The following CHLSN variants were observed in gnomAD, a reference collection of about 807,000 sequenced individuals.
CHLSN encodes cholesin.
At chr7:1,102,818 C>T in the CHLSN span, among the ~76,000 whole-genome samples, 3 of 152,304 alleles carry the variant, frequency 2.0e-5, no homozygotes, top group East Asian at 1.9e-4. Flanking sequence ...GCAAGCACGG[C>T]GTCAGCAACA....
chr7:1,047,242 C>G, the CHLSN span, among the ~76,000 whole-genome samples: 1 of 152,204 alleles, frequency 6.6e-6, no homozygotes, highest in East Asian at 1.9e-4. Context: ...TGCTTGGTCT[C>G]AGGCCCCCAG....
At chr7:988,512 C>T in the CHLSN span, 1 of 1,599,346 alleles carries the variant, frequency 6.3e-7, no homozygotes, top group Non-Finnish European at 8.5e-7. Flanking sequence ...CACCCACCTC[C>T]TGATCTCAGG....
chr7:1,057,806 G>A, the CHLSN span: 2 of 776,034 alleles, frequency 2.6e-6, no homozygotes, highest in South Asian at 2.7e-5. Flanking sequence ...TGTGGAGTGT[G>A]GGCGGCGAAG....
the CHLSN span, chr7:984,630 A>G: frequency 6.6e-7 from 1 of 1,515,776 alleles, no homozygotes; most frequent in Non-Finnish European, 8.8e-7. Flanking sequence ...CCTGGACCCC[A>G]GGAGGGGTGG....
chr7:1,112,313 A>ACCATCATCT, the CHLSN span, among the ~76,000 whole-genome samples: 1 of 152,228 alleles, frequency 6.6e-6, no homozygotes, highest in South Asian at 2.1e-4. Flanking sequence ...GCAGGCTGAG[A>ACCATCATCT]AAGCCCAGCT....
the CHLSN span, among the ~76,000 whole-genome samples, chr7:1,050,053 GC>G: frequency 6.6e-6 from 1 of 152,308 alleles, no homozygotes; most frequent in African/African-American, 2.4e-5. Context: ...CCTTGGCAGG[GC>G]CCCCTCAGCG....
chr7:1,055,102 G>A, the CHLSN span, among the ~76,000 whole-genome samples: 3 of 152,202 alleles, frequency 2.0e-5, no homozygotes, highest in African/African-American at 4.8e-5. Context: ...CAGAGGCCAC[G>A]GCCTCCATGA....
At chr7:986,075 A>G in the CHLSN span, among the ~76,000 whole-genome samples, 1 of 152,214 alleles carries the variant, frequency 6.6e-6, no homozygotes. Context: ...CCAGGGCAGC[A>G]GAGCATTCCC....
At chr7:1,002,930 GGGAGTCCTGTGGGTGAGT>G in the CHLSN span, among the ~76,000 whole-genome samples, 3 of 102,706 alleles carry the variant, frequency 2.9e-5, no homozygotes, top group Non-Finnish European at 5.9e-5. Flanking sequence ...CCTGTGGGTA[GGGAGTCCTGTGGGTGAGT>G]GGAGTCCTGT....
the CHLSN span, among the ~76,000 whole-genome samples, chr7:1,133,392 C>CAAAAAAAAA: frequency 5.9e-4 from 54 of 91,074 alleles, no homozygotes; most frequent in East Asian, 8.9e-3. Context: ...CGATATACTG[C>CAAAAAAAAA]AAAAAAAAAA....
At chr7:983,445 C>A in the CHLSN span, 3 of 1,362,162 alleles carry the variant, frequency 2.2e-6, no homozygotes, top group South Asian at 3.4e-5. Context: ...CCTGGCCCCC[C>A]TCCTGGGGAA....
the CHLSN span, among the ~76,000 whole-genome samples, chr7:1,135,341 G>A: frequency 1.3e-5 from 2 of 151,632 alleles, no homozygotes; most frequent in African/African-American, 2.4e-5. Context: ...ATAGTTGTAT[G>A]TATATACATA....
At chr7:1,072,096 A>C in the CHLSN span, among the ~76,000 whole-genome samples, 1 of 152,026 alleles carries the variant, frequency 6.6e-6, no homozygotes, top group South Asian at 2.1e-4. Flanking sequence ...GACACCTTAG[A>C]CTCTGGCCTA....
chr7:1,016,879 G>GCAGCACATGC, the CHLSN span, among the ~76,000 whole-genome samples: 1 of 90,026 alleles, frequency 1.1e-5, no homozygotes, highest in African/African-American at 5.6e-5. Context: ...GCAGCGCACA[G>GCAGCACATGC]CAGCACACAC....
At chr7:1,037,506 C>T in the CHLSN span, among the ~76,000 whole-genome samples, 1 of 141,128 alleles carries the variant, frequency 7.1e-6, no homozygotes, top group Admixed American at 7.1e-5. Context: ...CTCAGCCTCC[C>T]GAGGTGCCGG....
the CHLSN span, among the ~76,000 whole-genome samples, chr7:1,070,980 A>G: frequency 6.6e-6 from 1 of 151,318 alleles, no homozygotes; most frequent in Non-Finnish European, 1.5e-5. Context: ...GGGCACATGC[A>G]CACGGGCACA....
At chr7:1,117,418 T>C in the CHLSN span, among the ~76,000 whole-genome samples, 1,476 of 68,806 alleles carry the variant, frequency 0.021, 33 homozygotes, top group East Asian at 0.04. Flanking sequence ...ATCACTGCAG[T>C]TCTACGGACC....
the CHLSN span, among the ~76,000 whole-genome samples, chr7:1,126,897 C>T: frequency 1.3e-5 from 2 of 152,152 alleles, no homozygotes; most frequent in East Asian, 3.9e-4. Flanking sequence ...TCAGGACACG[C>T]CTCTGCACAT....
the CHLSN span, among the ~76,000 whole-genome samples, chr7:1,129,552 C>T: frequency 6.6e-6 from 1 of 152,206 alleles, no homozygotes; most frequent in Non-Finnish European, 1.5e-5. Context: ...CTCAAGCCAT[C>T]CTCCCACCTC....
Sources: gnomAD v4.1 joint callset for allele counts (sites outside exome capture counted in the v4.1 genomes callset) on GRCh38, gnomAD v4.1.1 for gene constraint, MANE v1.5 for transcripts, NCBI Gene and HGNC (gene_info 2026-07-23, HGNC 2026-07-21) for gene names.